Variants in CELF2 observed in about 807,000 individuals in gnomAD.
The protein encoded by CELF2 is CUGBP Elav-like family member 2.
A neutral mutation model predicts 62.6 loss-of-function variants in CELF2; 8 were observed. The ratio of observed to expected loss-of-function variants is 0.13; its 90% CI spans 0.07 to 0.23. The LOEUF (loss-of-function observed/expected upper bound fraction) is 0.23, where lower values mean the gene tolerates loss of function less well. CELF2 is among the 10% of genes least tolerant of loss of function. The pLI, the probability that CELF2 is intolerant of heterozygous loss-of-function variation, is 1.00. For synonymous variants in CELF2, 258 were observed against 250.0 expected (o/e 1.03, Z -0.30); for missense variants, 333 against 671.0 (o/e 0.50, Z 5.56).
intron 1 of CELF2, among the ~76,000 whole-genome samples, chr10:10,878,464 C>T (rs940736168): frequency 7.9e-5 from 12 of 152,214 alleles, no homozygotes; most frequent in African/African-American, 2.7e-4. Flanking sequence ...TTCTGTGCCA[C>T]GACGCAATTG....
chr10:11,315,510 A>G lies in CELF2; in HGVS notation c.1096+1252A>G, dbSNP rs947775078. 6.6e-6 allele frequency among the ~76,000 whole-genome samples: 1 copy of G among 152,220 alleles called. No individual in the cohort carries two copies. The highest frequency in any genetic ancestry group is 2.4e-5 in the African/African-American group (1 of 41,448). On this transcript the variant is annotated intron_variant, in intron 10 of 12. Coordinates refer to ENST00000633077, the MANE Select transcript of CELF2 (RefSeq NM_001326342.2). The surrounding 1 kb of genome is among the most constrained non-coding windows in gnomAD (Gnocchi z 5.8). Reference sequence around the variant, plus strand: ...GAAAATGAACCTAAAATTTATCCAAATAAAAATTAACTTGTATAATCCTGA... The same window carrying G: ...GAAAATGAACCTAAAATTTATCCAAGTAAAAATTAACTTGTATAATCCTGA...
At chr10:11,065,699 C>T (rs2067937672) in intron 1 of CELF2, among the ~76,000 whole-genome samples, 1 of 144,556 alleles carries the variant, frequency 6.9e-6, no homozygotes, top group African/African-American at 2.5e-5. Context: ...AGACAAACCC[C>T]ACCCCCCGCC....
the CELF2 span, among the ~76,000 whole-genome samples, chr10:10,636,607 A>C: frequency 6.6e-6 from 1 of 152,202 alleles, no homozygotes; most frequent in Admixed American, 6.6e-5. Flanking sequence ...TCCACACACA[A>C]ACATAGAATT....
At chr10:10,860,821 C>T (rs2060007320) in intron 1 of CELF2, among the ~76,000 whole-genome samples, 2 of 152,184 alleles carry the variant, frequency 1.3e-5, no homozygotes, top group South Asian at 4.1e-4. Flanking sequence ...AGGCATTTGC[C>T]TTATATGTTC....
chr10:10,714,936 C>T, the CELF2 span, among the ~76,000 whole-genome samples: 111 of 151,636 alleles, frequency 7.3e-4, no homozygotes, highest in East Asian at 0.017. Context: ...ATTTTACTTC[C>T]ACCATACCAA....
the CELF2 span, among the ~76,000 whole-genome samples, chr10:10,563,197 G>T: frequency 6.6e-6 from 1 of 152,140 alleles, no homozygotes; most frequent in Non-Finnish European, 1.5e-5. Context: ...CTCGTTTTCT[G>T]TCTCTACTGA....
chr10:10,868,310 G>T (rs1020432819), intron 1 of CELF2, among the ~76,000 whole-genome samples: 12 of 152,220 alleles, frequency 7.9e-5, no homozygotes, highest in African/African-American at 2.9e-4. Context: ...CACACGCAAA[G>T]TTGGAAGTTG....
At chr10:10,793,208 T>C in the CELF2 span, among the ~76,000 whole-genome samples, 1 of 152,198 alleles carries the variant, frequency 6.6e-6, no homozygotes, top group African/African-American at 2.4e-5. Context: ...CCAAAACACA[T>C]ATCTTTGTTC....
At chr10:11,136,205 T>C (rs764223346) in intron 1 of CELF2, among the ~76,000 whole-genome samples, 2 of 152,186 alleles carry the variant, frequency 1.3e-5, no homozygotes, top group Non-Finnish European at 2.9e-5. Flanking sequence ...TTTATTCAGT[T>C]CTCAGGAGAA....
intron 1 of CELF2, among the ~76,000 whole-genome samples, chr10:11,106,210 T>TATTTATTTATTC (rs1554839859): frequency 2.3e-4 from 21 of 91,814 alleles, no homozygotes; most frequent in Admixed American, 1.6e-3. Context: ...TACTTTATTT[T>TATTTATTTATTC]ATTTATTTAT....
chr10:11,220,447 T>A lies in CELF2; in HGVS notation c.354+2940T>A, dbSNP rs2064511432. ...CAATCAAATGTGTCTGCCATAAGAT[T>A]TTGATTTAAAGGCACCCTCCTTTAC... On this transcript the variant is annotated intron_variant, in intron 3 of 12. Transcript: ENST00000633077. This position sits in a 1 kb window ranked among gnomAD's most constrained non-coding sequence, Gnocchi z 4.4. Among the ~76,000 whole-genome samples, 1 of 152,168 alleles carries A rather than the reference T, an allele frequency of 6.6e-6. No homozygotes were observed.
At chr10:11,209,204 G>A (rs1021681261) in intron 2 of CELF2, among the ~76,000 whole-genome samples, 3 of 152,196 alleles carry the variant, frequency 2.0e-5, no homozygotes, top group Non-Finnish European at 4.4e-5. Flanking sequence ...AGGAATACGT[G>A]AGAGAGCTGA....
chr10:11,063,438 G>T (rs563868453), intron 1 of CELF2, among the ~76,000 whole-genome samples: 2 of 152,322 alleles, frequency 1.3e-5, no homozygotes, highest in African/African-American at 4.8e-5. Flanking sequence ...TGAAACTAGA[G>T]AATTTTAATT....
intron 2 of CELF2, among the ~76,000 whole-genome samples, chr10:10,973,487 A>G (rs1437382847): frequency 6.6e-6 from 1 of 152,118 alleles, no homozygotes; most frequent in Admixed American, 6.5e-5. Context: ...CACGCTTAAA[A>G]GCCTGCCTAC....
the CELF2 span, among the ~76,000 whole-genome samples, chr10:10,536,659 A>G: frequency 1.1e-3 from 171 of 152,334 alleles, no homozygotes; most frequent in African/African-American, 4.0e-3. Flanking sequence ...AGATGTCACC[A>G]TGAAGCAGGG....
chr10:10,670,780 A>G, the CELF2 span, among the ~76,000 whole-genome samples: 1 of 152,146 alleles, frequency 6.6e-6, no homozygotes, highest in Non-Finnish European at 1.5e-5. Context: ...CAACCACACT[A>G]ATCTTTTTAC....
At chr10:11,136,187 A>G (rs1376783988) in intron 1 of CELF2, among the ~76,000 whole-genome samples, 1 of 152,240 alleles carries the variant, frequency 6.6e-6, no homozygotes, top group South Asian at 2.1e-4. Flanking sequence ...CTAGCCAAAT[A>G]GCAAATATTT....
rs1486759277 is a variant in CELF2 at position 11,078,931 on chromosome 10, T to A, written c.74+60768T>A. ...TGTGATTAAAGAATTAAGCAAATGC[T>A]GTTGGACCCAAAGAGATTTGTTTTA... On this transcript the variant is annotated intron_variant, in intron 1 of 12. Coordinates refer to ENST00000633077, the MANE Select transcript of CELF2 (RefSeq NM_001326342.2). 5.9e-5 allele frequency among the ~76,000 whole-genome samples: 9 copies of A among 152,376 alleles called. No homozygotes were observed. In the East Asian group the frequency reaches 1.7e-3, roughly 29 times the overall value.
At position 11,156,313 on chromosome 10, in the gene CELF2, A is replaced by T. The variant is rs1261196669; in HGVS notation, c.75-9173A>T. Among the ~76,000 whole-genome samples the T allele has an allele frequency of 6.6e-6, 1 of 152,156 alleles. No individual in the cohort carries two copies. Among genetic ancestry groups the T allele is most frequent in the Non-Finnish European group, 1.5e-5 (1 of 68,020 alleles). On this transcript the variant is annotated intron_variant, in intron 1 of 12. Coordinates refer to ENST00000633077, the MANE Select transcript of CELF2 (RefSeq NM_001326342.2). This position sits in a 1 kb window ranked among gnomAD's most constrained non-coding sequence, Gnocchi z 4.3. Reference sequence around the variant, plus strand: ...CGACAGATCACATGACGTGTGATTTAATTTTACTGCTTTGAAGACTTCTCG... The same window carrying T: ...CGACAGATCACATGACGTGTGATTTTATTTTACTGCTTTGAAGACTTCTCG...
Sources: allele counts gnomAD v4.1 joint callset (sites outside exome capture counted in the v4.1 genomes callset), GRCh38; gene constraint gnomAD v4.1.1; non-coding constraint Gnocchi (gnomAD v3.1); transcripts MANE v1.5; gene names NCBI Gene and HGNC (gene_info 2026-07-23, HGNC 2026-07-21).